The following ADCY5 variants were observed in gnomAD, a reference collection of about 807,000 sequenced individuals.
The protein encoded by ADCY5 is adenylate cyclase 5, also known as adenylate cyclase type 5.
ADCY5 carries 30 observed loss-of-function variants against 119.7 expected under a neutral mutation model. That is an observed-to-expected ratio of 0.25 (90% CI 0.19 to 0.34). ADCY5 has a LOEUF of 0.34. Among genes scored for constraint, ADCY5 ranks in the 10% least tolerant of loss-of-function variants. The pLI is 1.00. For synonymous variants in ADCY5, 753 were observed against 762.2 expected (o/e 0.99, Z 0.20); for missense variants, 1,324 against 1,775.2 (o/e 0.75, Z 4.57).
At chr3:123,338,153 C>G (rs745401960) in intron 3 of ADCY5, among the ~76,000 whole-genome samples, 12 of 152,218 alleles carry the variant, frequency 7.9e-5, no homozygotes, top group Non-Finnish European at 1.5e-4. Flanking sequence ...CCTGCAGCCT[C>G]CTGGGAATCT....
In ADCY5 at chr3:123,304,094, C is replaced by T; in HGVS notation, c.2532G>A (p.Leu844=). 1.9e-6 allele frequency: 3 copies of T among 1,612,826 alleles called. No homozygotes were observed. The highest frequency in any genetic ancestry group is 2.5e-6 in the Non-Finnish European group (3 of 1,179,404). The change falls in exon 13 of 21, where the codon CTG becomes CTA. Residue 844 remains leucine (L), a synonymous_variant. Coordinates refer to ENST00000462833, the MANE Select transcript of ADCY5 (RefSeq NM_183357.3). ...TGTTGACAAAAGCCGCCAGGAACAC[C>T]AGGGTGATGGTGAACACCCCAACCA... ...STLVGVFTIT[L]VFLAAFVNMF...
intron 17 of ADCY5, among the ~76,000 whole-genome samples, chr3:123,292,013 G>A (rs1048984482): frequency 2.0e-5 from 3 of 152,166 alleles, no homozygotes; most frequent in Admixed American, 2.0e-4. Context: ...TTTGGGTCCT[G>A]GGTCTATGGG....
intron 1 of ADCY5, among the ~76,000 whole-genome samples, chr3:123,372,454 C>T (rs1943674012): frequency 6.6e-6 from 1 of 152,188 alleles, no homozygotes; most frequent in Non-Finnish European, 1.5e-5. Context: ...AGGAGAGTGT[C>T]CCTTTTCCTC....
rs574675076 is a variant in ADCY5 at position 123,315,684 on chromosome 3, T to C, written c.2355-1362A>G. Among the ~76,000 whole-genome samples the C allele has an allele frequency of 5.9e-5, 9 of 152,190 alleles. No individual in the cohort carries two copies. The East Asian group carries it at 1.7e-3, about 29-fold the overall frequency. ...TCTGCCTCCCAGCTTCAAGTGATTCTCCCGCCTCAGCTTCCCGAGTAGCTG... is the reference window on the plus strand; with the variant it reads ...TCTGCCTCCCAGCTTCAAGTGATTCCCCCGCCTCAGCTTCCCGAGTAGCTG... On this transcript the variant is annotated intron_variant, in intron 11 of 20. Coordinates refer to ENST00000462833, the MANE Select transcript of ADCY5 (RefSeq NM_183357.3).
At chr3:123,332,098 C>G (rs1274133308) in intron 4 of ADCY5, among the ~76,000 whole-genome samples, 1 of 152,192 alleles carries the variant, frequency 6.6e-6, no homozygotes, top group Non-Finnish European at 1.5e-5. Context: ...TTTAAGAGTC[C>G]TCTTTCTGGA....
In ADCY5 at chr3:123,396,809, GGCAGGC is replaced by G. The variant is rs1440588957; in HGVS notation, c.1135-44234_1135-44229del. ...AGGCAGGCAGGCAGGCAGGCAGGCA[GGCAGGC>G]AGGCGAGAGAGAGAGAGAGAGAGAG... On this transcript the variant is annotated intron_variant, in intron 1 of 20. Coordinates refer to ENST00000462833, the MANE Select transcript of ADCY5 (RefSeq NM_183357.3). Among the ~76,000 whole-genome samples the G allele has an allele frequency of 4.9e-4, 41 of 84,346 alleles. 2 individuals carry two copies. The East Asian group carries it at 6.3e-3, about 13-fold the overall frequency. 55.3% of individuals were successfully genotyped at this position (84,346 alleles called of 152,430 possible).
intron 1 of ADCY5, among the ~76,000 whole-genome samples, chr3:123,396,369 AGAAG>A (rs1294715301): frequency 1.5e-5 from 2 of 134,506 alleles, no homozygotes; most frequent in Admixed American, 7.3e-5. Flanking sequence ...GGAGGGAGGA[AGAAG>A]GAAGGAAGGG....
intron 1 of ADCY5, among the ~76,000 whole-genome samples, chr3:123,371,522 G>A (rs1451215601): frequency 1.3e-5 from 2 of 152,336 alleles, no homozygotes; most frequent in East Asian, 1.9e-4. Context: ...AGGCCTGGGT[G>A]CTTTACCAGA....
chr3:123,434,926 C>T lies in ADCY5; in HGVS notation c.1134+12486G>A, dbSNP rs573500535. ...GGTCTCCCACTAATATGTGACAATC[C>T]CCTCTCTGGCAAGGGCTATGTTTCA... On this transcript the variant is annotated intron_variant, in intron 1 of 20. Coordinates refer to ENST00000462833, the MANE Select transcript of ADCY5 (RefSeq NM_183357.3). 1.3e-3 allele frequency among the ~76,000 whole-genome samples: 198 copies of T among 152,264 alleles called. 1 individual carries two copies. Among genetic ancestry groups the T allele is most frequent in the Non-Finnish European group, 2.3e-3 (155 of 68,012 alleles).
chr3:123,419,476 A>G (rs1945255774), intron 1 of ADCY5, among the ~76,000 whole-genome samples: 1 of 151,754 alleles, frequency 6.6e-6, no homozygotes, highest in African/African-American at 2.4e-5. Context: ...CAATCCTGTA[A>G]ATGCTCCCTG....
At chr3:123,425,135 T>C (rs775978176) in intron 1 of ADCY5, among the ~76,000 whole-genome samples, 6 of 152,064 alleles carry the variant, frequency 3.9e-5, no homozygotes, top group Non-Finnish European at 7.4e-5. Flanking sequence ...AGGTTATGGA[T>C]GGGCAGGAAG....
intron 1 of ADCY5, among the ~76,000 whole-genome samples, chr3:123,424,196 T>C (rs1161731703): frequency 1.3e-5 from 2 of 152,160 alleles, no homozygotes; most frequent in African/African-American, 4.8e-5. Context: ...TGCTCTGAGA[T>C]GGAATGGTGG....
chr3:123,380,309 C>G (rs1279782602), intron 1 of ADCY5, among the ~76,000 whole-genome samples: 2 of 152,236 alleles, frequency 1.3e-5, no homozygotes, highest in South Asian at 4.1e-4. Flanking sequence ...CCTCTGCCCT[C>G]AAGTGGATTC....
intron 3 of ADCY5, among the ~76,000 whole-genome samples, chr3:123,341,937 A>C (rs1942302860): frequency 6.6e-6 from 1 of 152,164 alleles, no homozygotes; most frequent in Non-Finnish European, 1.5e-5. Context: ...ACTTAAAAAA[A>C]AATAGAGACA....
chr3:123,418,628 CAGA>C (rs1371682988), intron 1 of ADCY5, among the ~76,000 whole-genome samples: 2 of 152,174 alleles, frequency 1.3e-5, no homozygotes, highest in Non-Finnish European at 2.9e-5. Context: ...CACTCACTAC[CAGA>C]AGAACAGCAC....
At chr3:123,319,853 G>T (rs200696823) in intron 9 of ADCY5, 35 bp from the exon 10 acceptor site, 1 of 1,604,466 alleles carries the variant, frequency 6.2e-7, no homozygotes, top group South Asian at 1.1e-5. Context: ...GAGACAGGCT[G>T]ACCACAGGGG....
chr3:123,438,342 T>C (rs1188278105), intron 1 of ADCY5, among the ~76,000 whole-genome samples: 4 of 152,236 alleles, frequency 2.6e-5, no homozygotes, highest in Non-Finnish European at 5.9e-5. Context: ...CTAAATTTAT[T>C]TGACACACAC....
rs1280685335 is a variant in ADCY5 at position 123,447,740 on chromosome 3, G to A, written c.806C>T (p.Pro269Leu). The change falls in exon 1 of 21, where the codon CCC becomes CTC. Residue 269 changes from proline to leucine, a missense_variant. Pro to Leu is a moderately conservative substitution (Grantham distance 98, BLOSUM62 -3). Around this residue, in one of 6 missense-constraint regions of ADCY5, gnomAD observed 585 missense variants for 569.9 expected, o/e 1.03. Coordinates refer to ENST00000462833, the MANE Select transcript of ADCY5 (RefSeq NM_183357.3). ...FHAARPPLQL[P>L]YLAVLAAAVG... ...GGCGGCCGCCAGCACGGCCAGGTAGGGCAGCTGGAGCGGGGGCCGCGCCGC... is the reference window on the plus strand; with the variant it reads ...GGCGGCCGCCAGCACGGCCAGGTAGAGCAGCTGGAGCGGGGGCCGCGCCGC... The A allele has an allele frequency of 3.7e-6, 6 of 1,602,244 alleles. No homozygotes were observed. The highest frequency in any genetic ancestry group is 1.1e-5 in the South Asian group (1 of 90,232).
intron 1 of ADCY5, among the ~76,000 whole-genome samples, chr3:123,424,770 G>A (rs748789274): frequency 1.3e-5 from 2 of 152,110 alleles, no homozygotes; most frequent in African/African-American, 4.8e-5. Flanking sequence ...GTGTGTGCGC[G>A]CATGCACGCA....
Sources: gnomAD v4.1 joint callset for allele counts (sites outside exome capture counted in the v4.1 genomes callset) on GRCh38, gnomAD v4.1.1 for gene constraint, gnomAD v4.1.1 regional missense constraint, MANE v1.5 for transcripts, NCBI Gene and HGNC (gene_info 2026-07-23, HGNC 2026-07-21) for gene names.